NAMPT: variants seen among roughly 807,000 people sequenced by gnomAD.
The protein encoded by NAMPT is NAmPRTase.
Under a neutral mutation model 58.7 loss-of-function variants are expected in NAMPT, and 7 were observed. The observed-to-expected ratio is 0.12, with a 90% CI of 0.07 to 0.22. The LOEUF is 0.22. NAMPT is among the 10% of genes least tolerant of loss of function. NAMPT has a pLI of 1.00. For synonymous variants in NAMPT, 145 were observed against 198.1 expected, an observed-to-expected ratio of 0.73 and a Z score of 2.25; for missense variants, 271 against 567.9, an observed-to-expected ratio of 0.48 and a Z score of 5.31.
At chr7:106,266,731 T>C (rs1792419587) in intron 6 of NAMPT, among the ~76,000 whole-genome samples, 1 of 152,250 alleles carries the variant, frequency 6.6e-6, no homozygotes, top group South Asian at 2.1e-4. Context: ...GACTACCTTC[T>C]GATTTTTCCT....
At chr7:106,261,392 A>C in intron 8 of NAMPT, 196 bp downstream of exon 8, 1 of 457,556 alleles carries the variant, frequency 2.2e-6, no homozygotes, top group Non-Finnish European at 4.0e-6. Flanking sequence ...CAACTGGAAG[A>C]GTAAGTATGG....
intron 4 of NAMPT, among the ~76,000 whole-genome samples, chr7:106,270,914 A>G (rs188319444): frequency 6.6e-6 from 1 of 152,348 alleles, no homozygotes; most frequent in East Asian, 1.9e-4. Flanking sequence ...TTTGTTACAC[A>G]ATAGAAAATC....
chr7:106,274,607 C>A (rs1792599041), intron 3 of NAMPT, among the ~76,000 whole-genome samples: 2 of 152,136 alleles, frequency 1.3e-5, no homozygotes, highest in Admixed American at 6.5e-5. Context: ...GTAATCCCAG[C>A]ACTTTGGGAG....
At chr7:106,255,422 C>G (rs1224267938) in intron 8 of NAMPT, among the ~76,000 whole-genome samples, 1 of 152,178 alleles carries the variant, frequency 6.6e-6, no homozygotes, top group Non-Finnish European at 1.5e-5. Context: ...ATTAGAAAAT[C>G]ATAAGTGTAA....
In NAMPT at chr7:106,261,520, T is replaced by C. The variant is rs560904965; in HGVS notation, c.1089+68A>G. ...TTAAAATTGTATTTATATTGTGTTC[T>C]TTATCAAACATAAACAAACTTAATT... On this transcript the variant is annotated intron_variant, in intron 8 of 10. Coordinates refer to ENST00000222553, the MANE Select transcript of NAMPT (RefSeq NM_005746.3). The C allele has an allele frequency of 4.8e-6, 6 of 1,261,616 alleles. No homozygotes were observed. In the South Asian group the frequency reaches 6.9e-5, roughly 15 times the overall value. 78.2% of individuals were successfully genotyped at this position (1,261,616 alleles called of 1,614,324 possible).
At chr7:106,273,945 T>C (rs1022813110) in intron 3 of NAMPT, among the ~76,000 whole-genome samples, 5 of 152,096 alleles carry the variant, frequency 3.3e-5, no homozygotes, top group East Asian at 1.9e-4. Flanking sequence ...AAACTTTCGT[T>C]TGTGAGACTT....
intron 6 of NAMPT, among the ~76,000 whole-genome samples, chr7:106,267,452 C>A (rs1386308205): frequency 6.6e-6 from 1 of 152,130 alleles, no homozygotes. Context: ...TAGCACTCTG[C>A]AATTTTAAGT....
chr7:106,257,212 ATCCTC>A (rs368208214), intron 8 of NAMPT, among the ~76,000 whole-genome samples: 57 of 152,058 alleles, frequency 3.7e-4, no homozygotes, highest in African/African-American at 1.3e-3. Context: ...AAACGATTCA[ATCCTC>A]TAATTGTTCT....
chr7:106,277,502 A>C (rs950458191), intron 1 of NAMPT, among the ~76,000 whole-genome samples: 5 of 152,214 alleles, frequency 3.3e-5, no homozygotes, highest in Admixed American at 1.3e-4. Flanking sequence ...GCAGCTGCCT[A>C]ATGGGCACAC....
intron 8 of NAMPT, 21 bp downstream of exon 8, chr7:106,261,567 C>CTT: frequency 6.7e-7 from 1 of 1,490,646 alleles, no homozygotes; most frequent in Non-Finnish European, 9.2e-7. Flanking sequence ...CTTATTGAAA[C>CTT]TTTTAATATA....
At chr7:106,282,198 T>C (rs772292544) in intron 1 of NAMPT, among the ~76,000 whole-genome samples, 4 of 152,050 alleles carry the variant, frequency 2.6e-5, no homozygotes, top group African/African-American at 7.2e-5. Context: ...ACTTGGCCAT[T>C]AGAGGAAGCA....
At chr7:106,280,415 A>G (rs562971882) in intron 1 of NAMPT, among the ~76,000 whole-genome samples, 11 of 152,354 alleles carry the variant, frequency 7.2e-5, no homozygotes, top group Admixed American at 6.5e-4. Context: ...AAAGTTTCAT[A>G]GTATTCTAAA....
chr7:106,253,612 T>C (rs2115722210), intron 9 of NAMPT: 1 of 155,150 alleles, frequency 6.4e-6, no homozygotes, highest in Non-Finnish European at 1.4e-5. Context: ...TTTCATAACG[T>C]ATCCCTCTTT....
intron 4 of NAMPT, 92 bp downstream of exon 4, chr7:106,272,438 A>G: frequency 8.5e-7 from 1 of 1,180,140 alleles, no homozygotes; most frequent in Non-Finnish European, 1.2e-6. Flanking sequence ...AGGAGATTAT[A>G]TAGCTTTATT....
chr7:106,272,122 T>G, intron 4 of NAMPT: 2 of 383,720 alleles, frequency 5.2e-6, no homozygotes, highest in Admixed American at 4.1e-5. Flanking sequence ...GAGAGAAAAA[T>G]GAAGAAAGTA....
At chr7:106,275,180 G>A (rs1307040951) in intron 2 of NAMPT, 131 bp from the exon 3 acceptor site, 4 of 533,860 alleles carry the variant, frequency 7.5e-6, no homozygotes, top group East Asian at 6.3e-5. Flanking sequence ...GAGGTTAAAT[G>A]CTCACCCAGA....
At chr7:106,266,516 G>A (rs1295476965) in intron 6 of NAMPT, among the ~76,000 whole-genome samples, 1 of 152,198 alleles carries the variant, frequency 6.6e-6, no homozygotes, top group Non-Finnish European at 1.5e-5. Flanking sequence ...AAAGTTGTAT[G>A]TAAAAGTGTT....
intron 6 of NAMPT, among the ~76,000 whole-genome samples, chr7:106,267,563 C>T (rs573622959): frequency 3.3e-5 from 5 of 152,020 alleles, no homozygotes; most frequent in African/African-American, 7.2e-5. Flanking sequence ...TGATTTACGC[C>T]GGGCGCGGTG....
chr7:106,268,317 C>G (rs1310262959), intron 6 of NAMPT, 147 bp downstream of exon 6: 4 of 715,502 alleles, frequency 5.6e-6, no homozygotes, highest in African/African-American at 1.8e-5. Flanking sequence ...AATGTTTATA[C>G]TTTTGTATAA....
Sources: allele counts gnomAD v4.1 joint callset (sites outside exome capture counted in the v4.1 genomes callset), GRCh38; gene constraint gnomAD v4.1.1; transcripts MANE v1.5; gene names NCBI Gene and HGNC (gene_info 2026-07-23, HGNC 2026-07-21).